The following CACNA1I variants were observed in gnomAD, a reference collection of about 807,000 sequenced individuals.
CACNA1I encodes the protein voltage-dependent T-type calcium channel subunit alpha-1I.
Under a neutral mutation model 201.6 loss-of-function variants are expected in CACNA1I, and 74 were observed. The observed-to-expected ratio is 0.37, with a 90% CI of 0.30 to 0.45. CACNA1I has a LOEUF of 0.45. Ranked by LOEUF, CACNA1I falls within the 20% of genes least tolerant of loss-of-function variation. CACNA1I has a pLI of 1.00. For synonymous variants in CACNA1I, 1,431 were observed against 1,345.2 expected, an observed-to-expected ratio of 1.06 and a Z score of -1.40; for missense variants, 2,346 against 3,138.1, an observed-to-expected ratio of 0.75 and a Z score of 6.03.
Position 39,666,977 on chromosome 22 carries a change from G to A in CACNA1I, c.4104+971G>A, listed in dbSNP as rs779665454. Among the ~76,000 whole-genome samples, 1 of 152,252 alleles carries A rather than the reference G, an allele frequency of 6.6e-6. No homozygotes were observed. Among genetic ancestry groups the A allele is most frequent in the East Asian group, 1.9e-4 (1 of 5,194 alleles). ...ACCTATGGGCCCCGCCCCAGTGCCA[G>A]CTCCGCCCCTTTGGAGCATTTCTGG... is the stretch of plus-strand genomic sequence containing the variant. On this transcript the variant is annotated intron_variant, in intron 23 of 36. Transcript: ENST00000402142. The surrounding 1 kb of genome is among the most constrained non-coding windows in gnomAD (Gnocchi z 4.1).
intron 23 of CACNA1I, among the ~76,000 whole-genome samples, chr22:39,667,902 G>A (rs949959986): frequency 6.6e-6 from 1 of 152,104 alleles, no homozygotes; most frequent in Non-Finnish European, 1.5e-5. Context: ...AGGATGGCAG[G>A]GACCGTCTGG....
intron 6 of CACNA1I, 39 bp from the exon 7 acceptor site, chr22:39,642,758 G>T: frequency 6.8e-7 from 1 of 1,467,226 alleles, no homozygotes; most frequent in Middle Eastern, 1.9e-4. Flanking sequence ...CTTTCTGATG[G>T]GCCAGTCCTC....
At chr22:39,662,709 C>A (rs1935065131) in intron 17 of CACNA1I, 67 bp from the exon 18 acceptor site, 7 of 1,188,590 alleles carry the variant, frequency 5.9e-6, no homozygotes, top group Non-Finnish European at 8.5e-6. Context: ...GGCGCGATGG[C>A]CGCATGGGCG....
chr22:39,599,523 G>T (rs1251328435), intron 2 of CACNA1I, among the ~76,000 whole-genome samples: 1 of 145,776 alleles, frequency 6.9e-6, no homozygotes, highest in Non-Finnish European at 1.5e-5. Flanking sequence ...GGAGGCTGAG[G>T]CAGGAGAATG....
chr22:39,586,670 G>T (rs1932756492), intron 1 of CACNA1I, among the ~76,000 whole-genome samples: 1 of 152,180 alleles, frequency 6.6e-6, no homozygotes. Flanking sequence ...AGGGGTGCAG[G>T]TGCATGAGAG....
chr22:39,679,449 G>T lies in CACNA1I; in HGVS notation c.5394+4G>T. The stretch of plus-strand genomic sequence containing the variant: ...GCGCTGCTACTCGCCTGCCCAGGTG[G>T]GCAGGGGCTGGAGAGGTGTGAGGGT... On this transcript the variant is annotated splice_donor_region_variant and intron_variant, in intron 32 of 36. Coordinates refer to ENST00000402142, the MANE Select transcript of CACNA1I (RefSeq NM_021096.4). 2 of 1,415,280 alleles carry T rather than the reference G, an allele frequency of 1.4e-6. No homozygotes were observed. Among genetic ancestry groups the T allele is most frequent in the South Asian group, 1.6e-5 (1 of 63,904 alleles). The allele number at this position is 1,415,280 out of a possible 1,614,324, so 87.7% of individuals were successfully genotyped here.
In CACNA1I at chr22:39,659,517, C is replaced by G; in HGVS notation, c.2415C>G (p.Asp805Glu). The G allele has an allele frequency of 6.2e-7, 1 of 1,600,378 alleles. No individual in the cohort carries two copies. The highest frequency in any genetic ancestry group is 8.5e-7 in the Non-Finnish European group (1 of 1,172,798). ...GDTVPDRKNFDSLLWAIVTVF... is the reference protein window; with the variant it reads ...GDTVPDRKNFESLLWAIVTVF... ...CGGTGCCCGACAGGAAGAACTTCGA[C>G]TCCCTGCTGTGGGCCATCGTCACTG... Residue 805 changes from aspartate to glutamate, a missense_variant, in exon 13 of 37, where the codon GAC (aspartate) becomes GAG (glutamate). Coordinates refer to ENST00000402142, the MANE Select transcript of CACNA1I (RefSeq NM_021096.4). This position sits in a 1 kb window ranked among gnomAD's most constrained non-coding sequence, Gnocchi z 4.3.
chr22:39,673,855 G>A (rs554617263), intron 28 of CACNA1I, 108 bp from the exon 29 acceptor site: 178 of 975,874 alleles, frequency 1.8e-4, no homozygotes, highest in South Asian at 3.0e-4. Flanking sequence ...CTGCTTGCAC[G>A]TGCCTTCATG....
intron 7 of CACNA1I, among the ~76,000 whole-genome samples, chr22:39,646,328 A>C (rs1934484489): frequency 6.7e-6 from 1 of 148,596 alleles, no homozygotes; most frequent in Non-Finnish European, 1.5e-5. Flanking sequence ...GCGTCTCTGT[A>C]CCTCACTGTC....
chr22:39,576,513 G>C (rs985536016), intron 1 of CACNA1I, among the ~76,000 whole-genome samples: 1 of 152,200 alleles, frequency 6.6e-6, no homozygotes, highest in Non-Finnish European at 1.5e-5. Flanking sequence ...AGAAACACCA[G>C]GTTCTCCACA....
intron 35 of CACNA1I, among the ~76,000 whole-genome samples, chr22:39,683,881 C>G (rs964261655): frequency 1.3e-5 from 2 of 152,154 alleles, no homozygotes; most frequent in African/African-American, 4.8e-5. Flanking sequence ...CTGGCCAGGC[C>G]CCATGGTGGG....
chr22:39,576,245 A>C (rs1932346676), intron 1 of CACNA1I, among the ~76,000 whole-genome samples: 1 of 152,270 alleles, frequency 6.6e-6, no homozygotes, highest in Non-Finnish European at 1.5e-5. Flanking sequence ...TGTGTCCAGC[A>C]CAAAAATGTG....
Position 39,686,081 on chromosome 22 carries a change from CG to C in CACNA1I, c.6353del (p.Gly2118AlafsTer154). ...AGGAGGGCCGCGGTGGCGCGGGCGGCGGGGGCGCGGGCAGCGAGCACTCGGA... is the reference window on the plus strand; with the variant it reads ...AGGAGGGCCGCGGTGGCGCGGGCGGCGGGGCGCGGGCAGCGAGCACTCGGA... ...DEEGRGGAGG[G>X]GAGSEHSETL... On this transcript the variant is annotated frameshift_variant, in exon 37 of 37. Coordinates refer to ENST00000402142, the MANE Select transcript of CACNA1I (RefSeq NM_021096.4). LOFTEE classifies it low-confidence loss of function (END_TRUNC). 8 of 1,189,186 alleles carry C rather than the reference CG, an allele frequency of 6.7e-6. No individual in the cohort carries two copies. The highest frequency in any genetic ancestry group is 6.2e-6 in the Non-Finnish European group (6 of 964,636). The allele number at this position is 1,189,186 out of a possible 1,614,324, so 73.7% of individuals were successfully genotyped here.
At chr22:39,575,122 A>T (rs1932303117) in intron 1 of CACNA1I, among the ~76,000 whole-genome samples, 1 of 152,258 alleles carries the variant, frequency 6.6e-6, no homozygotes, top group Non-Finnish European at 1.5e-5. Context: ...TCAGCTGCAG[A>T]TGCAGCTGCA....
rs1214399832 is a variant in CACNA1I, at chr22:39,686,284, G to A, written c.6551G>A (p.Arg2184His). The part of the protein sequence containing the change: ...LARSPSWAAD[R>H]SKDPPGRAPL... ...CGGAGCCCCTCGTGGGCCGCGGACC[G>A]CAGCAAGGACCCCCCCGGCCGGGCA... The change falls in exon 37 of 37, where the codon CGC becomes CAC. Residue 2184 changes from arginine to histidine, a missense_variant. By Grantham distance (29) the Arg-to-His change is conservative. Coordinates refer to ENST00000402142, the MANE Select transcript of CACNA1I (RefSeq NM_021096.4). 2.3e-6 allele frequency: 3 copies of A among 1,316,756 alleles called. No individual in the cohort carries two copies. Among genetic ancestry groups the A allele is most frequent in the Admixed American group, 3.2e-5 (1 of 31,224 alleles). The allele number at this position is 1,316,756 out of a possible 1,614,324, so 81.6% of individuals were successfully genotyped here.
chr22:39,577,488 C>T (rs186250411), intron 1 of CACNA1I, among the ~76,000 whole-genome samples: 6 of 152,354 alleles, frequency 3.9e-5, no homozygotes, highest in Admixed American at 1.3e-4. Flanking sequence ...TCTTGTGCTG[C>T]GCGTGACGAG....
At chr22:39,599,247 C>T (rs1932968043) in intron 2 of CACNA1I, among the ~76,000 whole-genome samples, 1 of 149,202 alleles carries the variant, frequency 6.7e-6, no homozygotes, top group Non-Finnish European at 1.5e-5. Flanking sequence ...TGTGCCCAGC[C>T]TCTGCCTCTT....
Position 39,666,155 on chromosome 22 carries a change from G to T in CACNA1I, c.4104+149G>T. On this transcript the variant is annotated intron_variant, in intron 23 of 36. Coordinates refer to ENST00000402142, the MANE Select transcript of CACNA1I (RefSeq NM_021096.4). The surrounding 1 kb of genome is among the most constrained non-coding windows in gnomAD (Gnocchi z 4.1). ...CTCAGTTTCCTCTTCTGCAAAATGG[G>T]TAAGGGTAGCACTCACCTCTCAGGT... The T allele has an allele frequency of 1.9e-6, 2 of 1,031,276 alleles. No individual in the cohort carries two copies. Among genetic ancestry groups the T allele is most frequent in the Non-Finnish European group, 1.4e-6 (1 of 702,566 alleles). The allele number at this position is 1,031,276 out of a possible 1,614,324, so 63.9% of individuals were successfully genotyped here. A position where few individuals can be genotyped will look rare whatever the true frequency, so the allele number is the denominator to read the frequency against.
intron 3 of CACNA1I, among the ~76,000 whole-genome samples, chr22:39,604,717 T>G (rs563848056): frequency 7.7e-4 from 117 of 151,878 alleles, no homozygotes; most frequent in African/African-American, 2.7e-3. Flanking sequence ...TAGCTGGGAC[T>G]ACAGGCACAT....
Sources: allele counts gnomAD v4.1 joint callset (sites outside exome capture counted in the v4.1 genomes callset), GRCh38; gene constraint gnomAD v4.1.1; non-coding constraint Gnocchi (gnomAD v3.1); transcripts MANE v1.5; gene names NCBI Gene and HGNC (gene_info 2026-07-23, HGNC 2026-07-21).